Variants in ZFYVE28 observed in about 807,000 individuals in gnomAD.
The protein encoded by ZFYVE28 is lateral signaling target protein 2 homolog.
ZFYVE28 carries 40 observed loss-of-function variants against 82.1 expected under a neutral mutation model. The ratio of observed to expected loss-of-function variants is 0.49; its 90% CI spans 0.38 to 0.63. The LOEUF is 0.63. ZFYVE28 is among the 30% of genes least tolerant of loss of function. ZFYVE28 has a pLI of 0.00. For missense variants in ZFYVE28, 1,321 were observed against 1,242.1 expected, an observed-to-expected ratio of 1.06 and a Z score of -0.96; for synonymous variants, 612 against 546.1, an observed-to-expected ratio of 1.12 and a Z score of -1.68.
chr4:2,397,350 T>C (rs959511726), intron 1 of ZFYVE28, among the ~76,000 whole-genome samples: 1 of 151,464 alleles, frequency 6.6e-6, no homozygotes, highest in Non-Finnish European at 1.5e-5. Flanking sequence ...TGGCGGCACG[T>C]GCCTGTAATC....
At chr4:2,378,808 C>T (rs1248509550) in intron 1 of ZFYVE28, among the ~76,000 whole-genome samples, 1 of 152,226 alleles carries the variant, frequency 6.6e-6, no homozygotes. Flanking sequence ...GATACCCAGC[C>T]TTTCATTCTC....
chr4:2,388,847 G>C (rs1729538948), intron 1 of ZFYVE28, among the ~76,000 whole-genome samples: 1 of 152,126 alleles, frequency 6.6e-6, no homozygotes, highest in Non-Finnish European at 1.5e-5. Flanking sequence ...GAGTCACCCT[G>C]GTGGGAAGCA....
intron 1 of ZFYVE28, among the ~76,000 whole-genome samples, chr4:2,406,920 A>AC (rs568159682): frequency 1.9e-3 from 282 of 152,124 alleles, no homozygotes; most frequent in Non-Finnish European, 2.9e-3. Flanking sequence ...CCTAGTGCCT[A>AC]CCCTGTGGTA....
In ZFYVE28 at chr4:2,341,571, G is replaced by C. The variant is rs961147640; in HGVS notation, c.225C>G (p.Ile75Met). ...NIINQIMDEC[I>M]PQDRAPRDFC... ...AATCTCTGGGGGCGCGGTCCTGGGGGATGCACTCATCCATGATCTGGTTAA... is the reference window on the plus strand; with the variant it reads ...AATCTCTGGGGGCGCGGTCCTGGGGCATGCACTCATCCATGATCTGGTTAA... The change falls in exon 3 of 13, where the codon ATC becomes ATG. Residue 75 changes from isoleucine (I) to methionine (M), a missense_variant. Around this residue, in one of 2 missense-constraint regions of ZFYVE28, gnomAD observed 343 missense variants for 408.4 expected, o/e 0.84. Coordinates refer to ENST00000290974, the MANE Select transcript of ZFYVE28 (RefSeq NM_020972.3). The surrounding 1 kb of genome is among the most constrained non-coding windows in gnomAD (Gnocchi z 4.5). 4 of 1,613,884 alleles carry C rather than the reference G, an allele frequency of 2.5e-6. No homozygotes were observed. In the African/African-American group the frequency reaches 4.0e-5, roughly 16 times the overall value.
chr4:2,409,697 G>T lies in ZFYVE28; in HGVS notation c.39+8588C>A, dbSNP rs1018466217. Among the ~76,000 whole-genome samples the T allele has an allele frequency of 1.3e-4, 20 of 152,188 alleles. No individual in the cohort carries two copies. Among genetic ancestry groups the T allele is most frequent in the Non-Finnish European group, 1.8e-4 (12 of 68,020 alleles). ...GAGTCCAGTACACCCACGGTGGGGT[G>T]GGGGGGCTGACCCCTGCGGGCAGCT... On this transcript the variant is annotated intron_variant, in intron 1 of 12. Coordinates refer to ENST00000290974, the MANE Select transcript of ZFYVE28 (RefSeq NM_020972.3). This position sits in a 1 kb window ranked among gnomAD's most constrained non-coding sequence, Gnocchi z 4.4.
At chr4:2,390,443 G>A (rs1324774401) in intron 1 of ZFYVE28, among the ~76,000 whole-genome samples, 2 of 152,206 alleles carry the variant, frequency 1.3e-5, no homozygotes. Flanking sequence ...TCTCACTGGA[G>A]AAGCAACTGT....
rs184066587 is a variant in ZFYVE28, at chr4:2,334,202, C to A, written c.701+1503G>T. Reference sequence around the variant, plus strand: ...AGGACGGCGCAGGAAACAGGCCAGGCCCTGAGCTATTGGAGGGGACTCTGG... The same window carrying A: ...AGGACGGCGCAGGAAACAGGCCAGGACCTGAGCTATTGGAGGGGACTCTGG... On this transcript the variant is annotated intron_variant, in intron 6 of 12. Coordinates refer to ENST00000290974, the MANE Select transcript of ZFYVE28 (RefSeq NM_020972.3). Among the ~76,000 whole-genome samples, 1,483 of 152,242 alleles carry A rather than the reference C, an allele frequency of 9.7e-3. 31 individuals are homozygous for A. Among genetic ancestry groups the A allele is most frequent in the African/African-American group, 0.033 (1,383 of 41,530 alleles).
chr4:2,326,870 T>G (rs995913613), intron 6 of ZFYVE28, among the ~76,000 whole-genome samples: 5 of 152,198 alleles, frequency 3.3e-5, no homozygotes, highest in Non-Finnish European at 7.4e-5. Context: ...AATTTTTGTG[T>G]CTTGATTTTG....
intron 1 of ZFYVE28, among the ~76,000 whole-genome samples, chr4:2,355,201 T>A (rs1288215585): frequency 0.066 from 54 of 822 alleles, no homozygotes; most frequent in Non-Finnish European, 0.13. Flanking sequence ...TCCTTGAAAA[T>A]ATATATATAT....
rs935592109 is a variant in ZFYVE28, at chr4:2,362,732, C to G, written c.40-8659G>C. Among the ~76,000 whole-genome samples, 8 of 152,180 alleles carry G rather than the reference C, an allele frequency of 5.3e-5. No individual in the cohort carries two copies. The highest frequency in any genetic ancestry group is 1.7e-4 in the African/African-American group (7 of 41,456). The stretch of plus-strand genomic sequence containing the variant: ...AGGCACAGCCGTGCTGCCACACCCA[C>G]CCCAATGTTACTATTGTTGCTACTG... On this transcript the variant is annotated intron_variant, in intron 1 of 12. Transcript: ENST00000290974. This position sits in a 1 kb window ranked among gnomAD's most constrained non-coding sequence, Gnocchi z 5.1.
intron 8 of ZFYVE28, among the ~76,000 whole-genome samples, chr4:2,274,811 G>T (rs777453097): frequency 6.7e-6 from 1 of 148,814 alleles, no homozygotes; most frequent in African/African-American, 2.6e-5. Context: ...ATGTGACCAC[G>T]GAGGCTGAGA....
intron 1 of ZFYVE28, among the ~76,000 whole-genome samples, chr4:2,376,624 T>C (rs1257882848): frequency 6.6e-6 from 1 of 151,902 alleles, no homozygotes; most frequent in Non-Finnish European, 1.5e-5. Flanking sequence ...AACCATCAGA[T>C]CTCCTGAGAA....
At chr4:2,346,542 C>A (rs1723623835) in intron 2 of ZFYVE28, among the ~76,000 whole-genome samples, 1 of 151,772 alleles carries the variant, frequency 6.6e-6, no homozygotes, top group Admixed American at 6.6e-5. Context: ...GAAAAAAATA[C>A]CCTAACAACA....
rs1345904270 is a variant in ZFYVE28 at position 2,320,286 on chromosome 4, C to G, written c.702-15G>C. On this transcript the variant is annotated splice_polypyrimidine_tract_variant and intron_variant, in intron 6 of 12. Transcript: ENST00000290974. This position sits in a 1 kb window ranked among gnomAD's most constrained non-coding sequence, Gnocchi z 5.1. Reference sequence around the variant, plus strand: ...CCACGAGGCCACTGCATTTGAGACACAAAAGCCAGGATGTCAGGCCCTGTG... The same window carrying G: ...CCACGAGGCCACTGCATTTGAGACAGAAAAGCCAGGATGTCAGGCCCTGTG... 6.2e-7 allele frequency: 1 copy of G among 1,612,368 alleles called. No homozygotes were observed. Among genetic ancestry groups the G allele is most frequent in the East Asian group, 2.2e-5 (1 of 44,834 alleles).
In ZFYVE28 at chr4:2,305,121, C is replaced by T. The variant is rs1560174848; in HGVS notation, c.1219G>A (p.Glu407Lys). The change falls in exon 8 of 13, where the codon GAG becomes AAG. Residue 407 changes from glutamate to lysine, a missense_variant. Transcript: ENST00000290974. Reference protein sequence around the residue: ...EERVFFMDDVEGTAEALARPE... With the variant: ...EERVFFMDDVKGTAEALARPE... Reference sequence around the variant, plus strand: ...CTGGCCAGGGCTTCTGCCGTCCCCTCCACGTCATCCATGAAGAACACGCGC... The same window carrying T: ...CTGGCCAGGGCTTCTGCCGTCCCCTTCACGTCATCCATGAAGAACACGCGC... 6.3e-7 allele frequency: 1 copy of T among 1,593,700 alleles called. No individual in the cohort carries two copies. The highest frequency in any genetic ancestry group is 1.3e-5 in the African/African-American group (1 of 74,712).
intron 1 of ZFYVE28, among the ~76,000 whole-genome samples, chr4:2,402,489 AC>A (rs1731303302): frequency 6.6e-6 from 1 of 152,164 alleles, no homozygotes; most frequent in Admixed American, 6.5e-5. Context: ...AGCGGCAAAA[AC>A]TAGCAGAACA....
At chr4:2,338,144 C>A (rs1473349285) in intron 4 of ZFYVE28, among the ~76,000 whole-genome samples, 1 of 152,256 alleles carries the variant, frequency 6.6e-6, no homozygotes, top group Non-Finnish European at 1.5e-5. Context: ...CAACCCGCAG[C>A]CCCACATGAA....
intron 1 of ZFYVE28, among the ~76,000 whole-genome samples, chr4:2,355,199 AATATATATATATAT>A (rs71167785): frequency 2.9e-4 from 14 of 48,946 alleles, no homozygotes; most frequent in Non-Finnish European, 3.8e-4. Context: ...AGTCCTTGAA[AATATATATATATAT>A]ATATATATAT....
At chr4:2,346,458 A>G (rs1578192627) in intron 2 of ZFYVE28, among the ~76,000 whole-genome samples, 2 of 152,258 alleles carry the variant, frequency 1.3e-5, no homozygotes, top group African/African-American at 4.8e-5. Flanking sequence ...TGGTGACTAC[A>G]TGGTAAATAT....
Sources: gnomAD v4.1 joint callset for allele counts (sites outside exome capture counted in the v4.1 genomes callset) on GRCh38, gnomAD v4.1.1 for gene constraint, gnomAD v4.1.1 regional missense constraint, Gnocchi (gnomAD v3.1) non-coding constraint, MANE v1.5 for transcripts, NCBI Gene and HGNC (gene_info 2026-07-23, HGNC 2026-07-21) for gene names.